Variants in CHST3 observed in about 807,000 individuals in gnomAD.
CHST3 encodes the protein C6ST-1.
A neutral mutation model predicts 35.4 loss-of-function variants in CHST3; 20 were observed. That is an observed-to-expected ratio of 0.57 (90% CI 0.40 to 0.82). The LOEUF is 0.82. Among genes scored for constraint, CHST3 ranks in the 40% least tolerant of loss-of-function variants. The probability of loss-of-function intolerance (pLI) is 0.00; values close to 1 mark genes in which losing one functional copy is unlikely to be tolerated. For synonymous variants in CHST3, 334 were observed against 295.9 expected (o/e 1.13, Z -1.32); for missense variants, 693 against 670.1 (o/e 1.03, Z -0.38).
At chr10:71,993,442 G>A (rs555886740) in intron 1 of CHST3, among the ~76,000 whole-genome samples, 14 of 152,136 alleles carry the variant, frequency 9.2e-5, no homozygotes, top group Non-Finnish European at 1.8e-4. Context: ...TCATCCACAT[G>A]GATCCACTTC....
At chr10:71,981,560 C>T (rs1839801970) in intron 1 of CHST3, among the ~76,000 whole-genome samples, 1 of 152,222 alleles carries the variant, frequency 6.6e-6, no homozygotes, top group Non-Finnish European at 1.5e-5. Context: ...CCCCAGGCAG[C>T]CATTTCTGGG....
At chr10:71,972,672 C>A (rs757886209) in intron 1 of CHST3, among the ~76,000 whole-genome samples, 5 of 152,190 alleles carry the variant, frequency 3.3e-5, no homozygotes, top group Admixed American at 2.0e-4. Context: ...GATGTCTGGC[C>A]CTGTGACCTT....
intron 1 of CHST3, among the ~76,000 whole-genome samples, chr10:71,979,456 G>A (rs1457133496): frequency 1.3e-5 from 2 of 152,080 alleles, no homozygotes; most frequent in Non-Finnish European, 2.9e-5. Context: ...GGTTATGGCT[G>A]TGGGGGAAGT....
chr10:71,975,580 GT>G (rs1839737285), intron 1 of CHST3, among the ~76,000 whole-genome samples: 1 of 152,266 alleles, frequency 6.6e-6, no homozygotes, highest in South Asian at 2.1e-4. Flanking sequence ...CCATGCGGCT[GT>G]TTGGGGTGAG....
intron 1 of CHST3, among the ~76,000 whole-genome samples, chr10:71,995,066 C>T (rs1839927134): frequency 6.6e-6 from 1 of 152,154 alleles, no homozygotes; most frequent in Admixed American, 6.5e-5. Flanking sequence ...TCCATATCAG[C>T]AACAAGTCTT....
rs1840070311 is a variant in CHST3 at position 72,008,350 on chromosome 10, T to A, written c.1319T>A (p.Val440Glu). The A allele has an allele frequency of 6.4e-7, 1 of 1,567,576 alleles. No individual in the cohort carries two copies. Among genetic ancestry groups the A allele is most frequent in the Non-Finnish European group, 8.6e-7 (1 of 1,156,954 alleles). The change falls in exon 3 of 3, where the codon GTG becomes GAG. Residue 440 changes from valine to glutamate, a missense_variant. Val to Glu is a moderately radical substitution (Grantham distance 121). Coordinates refer to ENST00000373115, the MANE Select transcript of CHST3 (RefSeq NM_004273.5). The part of the protein sequence containing the change: ...FSMPFKLAQV[V>E]QAACGPAMRL... Reference sequence around the variant, plus strand: ...ATGCCCTTCAAGCTGGCCCAGGTGGTGCAGGCCGCCTGCGGCCCTGCCATG... The same window carrying A: ...ATGCCCTTCAAGCTGGCCCAGGTGGAGCAGGCCGCCTGCGGCCCTGCCATG...
intron 1 of CHST3, among the ~76,000 whole-genome samples, chr10:71,971,497 G>C (rs1235023308): frequency 1.3e-5 from 2 of 152,116 alleles, no homozygotes; most frequent in Admixed American, 1.3e-4. Flanking sequence ...GCCTGTGCCA[G>C]CCCCAGCCCA....
intron 1 of CHST3, among the ~76,000 whole-genome samples, chr10:71,975,119 A>G (rs923154899): frequency 4.6e-5 from 7 of 152,228 alleles, no homozygotes; most frequent in Non-Finnish European, 8.8e-5. Context: ...GCACTATGCC[A>G]TGACCTAGAG....
intron 1 of CHST3, among the ~76,000 whole-genome samples, chr10:71,982,044 TGAAA>T (rs1196118073): frequency 2.0e-5 from 3 of 152,246 alleles, no homozygotes; most frequent in Non-Finnish European, 4.4e-5. Context: ...TATGGGATGC[TGAAA>T]TGTGGCCCCC....
chr10:71,991,829 G>T (rs913490953), intron 1 of CHST3, among the ~76,000 whole-genome samples: 1 of 152,022 alleles, frequency 6.6e-6, no homozygotes, highest in Admixed American at 6.6e-5. Flanking sequence ...AGCTACTCGG[G>T]AGGCTGAGGC....
chr10:71,994,438 A>G (rs1297250009), intron 1 of CHST3, among the ~76,000 whole-genome samples: 1 of 152,196 alleles, frequency 6.6e-6, no homozygotes, highest in Non-Finnish European at 1.5e-5. Flanking sequence ...GAGCAGTAGT[A>G]TTTTAAGCAG....
intron 1 of CHST3, among the ~76,000 whole-genome samples, chr10:71,973,008 C>T (rs1037322488): frequency 2.6e-5 from 4 of 152,202 alleles, no homozygotes; most frequent in Non-Finnish European, 4.4e-5. Flanking sequence ...TTGTAGCCCC[C>T]GACTTAGCAG....
intron 1 of CHST3, among the ~76,000 whole-genome samples, chr10:71,976,022 G>GCC (rs1564524952): frequency 6.6e-6 from 1 of 152,242 alleles, no homozygotes; most frequent in Non-Finnish European, 1.5e-5. Flanking sequence ...CTTCCTGGAG[G>GCC]AGGGAGGAGC....
At position 72,012,275 on chromosome 10, in the gene CHST3, T is replaced by A. The variant is rs570170171; in HGVS notation, c.*3804T>A. ...CAGGAGGTCCTTCCCAGAAGGTTGATTCTTGGCCTGGGTGGTAGAGGAGAT... is the reference window on the plus strand; with the variant it reads ...CAGGAGGTCCTTCCCAGAAGGTTGAATCTTGGCCTGGGTGGTAGAGGAGAT... On this transcript the variant is annotated 3_prime_UTR_variant, in exon 3 of 3. Coordinates refer to ENST00000373115, the MANE Select transcript of CHST3 (RefSeq NM_004273.5). The A allele has an allele frequency of 1.1e-3, 174 of 152,326 alleles. No individual in the cohort carries two copies. Among genetic ancestry groups the A allele is most frequent in the African/African-American group, 4.2e-3 (174 of 41,564 alleles). 9.4% of individuals were successfully genotyped at this position (152,326 alleles called of 1,614,324 possible). A position where few individuals can be genotyped will look rare whatever the true frequency, so the allele number is the denominator to read the frequency against.
chr10:72,007,505 C>G lies in CHST3; in HGVS notation c.474C>G (p.Ile158Met), dbSNP rs999313721. The change falls in exon 3 of 3, where the codon ATC becomes ATG. Residue 158 changes from isoleucine to methionine, a missense_variant. By Grantham distance (10) the Ile-to-Met change is conservative (BLOSUM62 1). Transcript: ENST00000373115. Reference sequence around the variant, plus strand: ...AGTTCTTCAACCAGCAGGGCAACATCTTCTACCTCTTCGAGCCGCTGTGGC... The same window carrying G: ...AGTTCTTCAACCAGCAGGGCAACATGTTCTACCTCTTCGAGCCGCTGTGGC... ...VGEFFNQQGN[I>M]FYLFEPLWHI... 2 of 1,602,264 alleles carry G rather than the reference C, an allele frequency of 1.2e-6. No individual in the cohort carries two copies. Among genetic ancestry groups the G allele is most frequent in the South Asian group, 1.1e-5 (1 of 91,032 alleles).
chr10:71,976,324 C>G (rs565858772), intron 1 of CHST3, among the ~76,000 whole-genome samples: 48 of 152,350 alleles, frequency 3.2e-4, no homozygotes, highest in African/African-American at 1.1e-3. Context: ...TGCCATTGCT[C>G]TCAGTGGGCA....
intron 1 of CHST3, among the ~76,000 whole-genome samples, chr10:72,001,055 G>A (rs1011747357): frequency 2.0e-5 from 3 of 152,172 alleles, no homozygotes; most frequent in African/African-American, 7.2e-5. Context: ...TGGCAGGCAG[G>A]TGAGAATGTG....
intron 1 of CHST3, among the ~76,000 whole-genome samples, chr10:71,982,590 C>T (rs1259621384): frequency 5.3e-5 from 8 of 151,842 alleles, no homozygotes; most frequent in Non-Finnish European, 1.2e-4. Flanking sequence ...CCTGTCTCTA[C>T]AAAAATAAAA....
At chr10:71,964,916 C>A (rs951336310) in intron 1 of CHST3, among the ~76,000 whole-genome samples, 16 of 152,256 alleles carry the variant, frequency 1.1e-4, no homozygotes, top group Non-Finnish European at 4.4e-5. Context: ...CACAGCTCAT[C>A]GCCACTCATA....
Sources: gnomAD v4.1 joint callset for allele counts (sites outside exome capture counted in the v4.1 genomes callset) on GRCh38, gnomAD v4.1.1 for gene constraint, MANE v1.5 for transcripts, NCBI Gene and HGNC (gene_info 2026-07-23, HGNC 2026-07-21) for gene names.